The following CFAP299 variants were observed in gnomAD, a reference collection of about 807,000 sequenced individuals.
The protein encoded by CFAP299 is cilia and flagella associated protein 299.
A neutral mutation model predicts 27.0 loss-of-function variants in CFAP299; 21 were observed. That is an observed-to-expected ratio of 0.78 (90% confidence interval 0.55 to 1.12). The LOEUF (loss-of-function observed/expected upper bound fraction) is 1.12. Among genes scored for constraint, CFAP299 ranks in the 50% most tolerant of loss-of-function variants. CFAP299 has a pLI of 0.00. For missense variants in CFAP299, 310 were observed against 276.6 expected (o/e 1.12, Z -0.86); for synonymous variants, 104 against 98.1 (o/e 1.06, Z -0.36).
At chr4:80,736,604 C>T (rs1355660730) in intron 3 of CFAP299, among the ~76,000 whole-genome samples, 6 of 152,208 alleles carry the variant, frequency 3.9e-5, no homozygotes, top group South Asian at 2.1e-4. Context: ...AAATCAAAAC[C>T]ACAATGAGAT....
At chr4:80,902,038 T>G (rs543710632) in intron 4 of CFAP299, among the ~76,000 whole-genome samples, 1 of 152,158 alleles carries the variant, frequency 6.6e-6, no homozygotes, top group East Asian at 1.9e-4. Flanking sequence ...CAGTTCAGCC[T>G]TCAAGAGTGG....
intron 4 of CFAP299, among the ~76,000 whole-genome samples, chr4:80,900,423 G>A (rs1734830767): frequency 6.6e-6 from 1 of 151,914 alleles, no homozygotes; most frequent in Non-Finnish European, 1.5e-5. Flanking sequence ...AAAGAACGTG[G>A]GGAAAATATC....
intron 4 of CFAP299, among the ~76,000 whole-genome samples, chr4:80,917,181 T>C (rs757729019): frequency 7.9e-5 from 12 of 152,006 alleles, no homozygotes; most frequent in Non-Finnish European, 1.6e-4. Context: ...ATGAGTAAGT[T>C]TGGGACTTTT....
At chr4:80,384,215 T>C (rs1459067485) in intron 2 of CFAP299, among the ~76,000 whole-genome samples, 3 of 152,178 alleles carry the variant, frequency 2.0e-5, no homozygotes, top group Non-Finnish European at 1.5e-5. Flanking sequence ...ACCTGATTAC[T>C]CATATTTTCT....
At chr4:80,386,805 G>A in intron 2 of CFAP299, 1 of 1,052,772 alleles carries the variant, frequency 9.5e-7, no homozygotes, top group Non-Finnish European at 1.5e-6. Context: ...GTCGATAAAG[G>A]GCATTTATAT....
chr4:80,581,471 T>TATATATATATAG (rs1736169279), intron 2 of CFAP299, among the ~76,000 whole-genome samples: 1 of 138,112 alleles, frequency 7.2e-6, no homozygotes, highest in African/African-American at 2.9e-5. Flanking sequence ...TATATATATA[T>TATATATATATAG]ATATATATAT....
chr4:80,562,630 C>T (rs1218104309), intron 2 of CFAP299, among the ~76,000 whole-genome samples: 4 of 150,106 alleles, frequency 2.7e-5, no homozygotes, highest in Non-Finnish European at 4.4e-5. Context: ...TACACTCCAG[C>T]CTAGGCAATA....
At position 80,722,797 on chromosome 4, in the gene CFAP299, G is replaced by C. The variant is rs979755117; in HGVS notation, c.333+139614G>C. On this transcript the variant is annotated intron_variant, in intron 3 of 5. Transcript: ENST00000358105. ...CGCCTGTAGTCCCAGCTACTTGAGA[G>C]GCTGAGGCAGGAGAATGGCGTGAAC... 2.6e-5 allele frequency among the ~76,000 whole-genome samples: 4 copies of C among 152,178 alleles called. No homozygotes were observed. The East Asian group carries it at 7.8e-4, about 30-fold the overall frequency.
chr4:80,701,338 C>T (rs568521336), intron 3 of CFAP299, among the ~76,000 whole-genome samples: 5 of 152,122 alleles, frequency 3.3e-5, no homozygotes, highest in African/African-American at 4.8e-5. Flanking sequence ...TTAAAAATAT[C>T]TGAATTCAAA....
At chr4:80,567,725 A>T (rs1735372016) in intron 2 of CFAP299, among the ~76,000 whole-genome samples, 1 of 29,294 alleles carries the variant, frequency 3.4e-5, no homozygotes, top group Non-Finnish European at 6.7e-5. Flanking sequence ...TGCTATTCTA[A>T]TGTATTTATA....
intron 3 of CFAP299, among the ~76,000 whole-genome samples, chr4:80,613,691 G>A (rs1738118748): frequency 6.6e-6 from 1 of 152,122 alleles, no homozygotes; most frequent in Admixed American, 6.5e-5. Context: ...GCTGACCAGT[G>A]AATTAGGTCA....
At chr4:80,687,954 T>A (rs1177395077) in intron 3 of CFAP299, among the ~76,000 whole-genome samples, 2 of 152,094 alleles carry the variant, frequency 1.3e-5, no homozygotes, top group Admixed American at 6.6e-5. Flanking sequence ...AAAGGGTCAC[T>A]CCCACCCGAA....
At chr4:80,705,518 C>T (rs752055603) in intron 3 of CFAP299, among the ~76,000 whole-genome samples, 1 of 151,720 alleles carries the variant, frequency 6.6e-6, no homozygotes, top group African/African-American at 2.4e-5. Flanking sequence ...TTAATCTTGT[C>T]GTGTGTCCAA....
chr4:80,763,477 A>G (rs898153198), intron 3 of CFAP299, among the ~76,000 whole-genome samples: 2 of 152,190 alleles, frequency 1.3e-5, no homozygotes, highest in Non-Finnish European at 2.9e-5. Context: ...ATGGAAAAAC[A>G]TTCCATACTC....
At chr4:80,464,504 T>C (rs1390632269) in intron 2 of CFAP299, among the ~76,000 whole-genome samples, 1 of 152,196 alleles carries the variant, frequency 6.6e-6, no homozygotes, top group Non-Finnish European at 1.5e-5. Flanking sequence ...ACAGATGGAG[T>C]ATCTCATCCA....
intron 3 of CFAP299, among the ~76,000 whole-genome samples, chr4:80,813,980 T>C (rs1464130425): frequency 6.6e-6 from 1 of 152,078 alleles, no homozygotes; most frequent in Non-Finnish European, 1.5e-5. Flanking sequence ...CTTTTCTAGC[T>C]AATAAATTAT....
chr4:80,834,838 A>C (rs956743313), intron 3 of CFAP299, among the ~76,000 whole-genome samples: 17 of 152,300 alleles, frequency 1.1e-4, no homozygotes, highest in Admixed American at 4.6e-4. Context: ...GCACCGCTGG[A>C]CAATGGCCAG....
chr4:80,855,337 G>C (rs1009735387), intron 3 of CFAP299, among the ~76,000 whole-genome samples: 6 of 151,744 alleles, frequency 4.0e-5, no homozygotes, highest in Admixed American at 2.0e-4. Context: ...AATAGTGCAA[G>C]TTCTACTGTT....
chr4:80,779,799 T>A (rs1418710272), intron 3 of CFAP299, among the ~76,000 whole-genome samples: 1 of 152,036 alleles, frequency 6.6e-6, no homozygotes, highest in East Asian at 1.9e-4. Context: ...ACAAAGATTA[T>A]CTGCTTTTAT....
Sources: allele counts gnomAD v4.1 joint callset (sites outside exome capture counted in the v4.1 genomes callset), GRCh38; gene constraint gnomAD v4.1.1; transcripts MANE v1.5; gene names NCBI Gene and HGNC (gene_info 2026-07-23, HGNC 2026-07-21).